FOXP1: variants seen among roughly 807,000 people sequenced by gnomAD.
FOXP1 encodes forkhead box protein P1.
FOXP1 carries 15 observed loss-of-function variants against 98.2 expected under a neutral mutation model. That is an observed-to-expected ratio of 0.15 (90% confidence interval 0.10 to 0.24). The LOEUF (loss-of-function observed/expected upper bound fraction) is 0.24. FOXP1 is among the 10% of genes least tolerant of loss of function. The probability of loss-of-function intolerance (pLI) is 1.00; values close to 1 mark genes in which losing one functional copy is unlikely to be tolerated. For missense variants in FOXP1, 633 were observed against 848.5 expected (o/e 0.75, Z 3.15); for synonymous variants, 371 against 314.5 (o/e 1.18, Z -1.90).
At chr3:71,290,866 A>T (rs998510789) in intron 5 of FOXP1, among the ~76,000 whole-genome samples, 1 of 152,160 alleles carries the variant, frequency 6.6e-6, no homozygotes, top group Admixed American at 6.5e-5. Flanking sequence ...AATCTGAAAG[A>T]TCCCAAATCA....
chr3:71,511,606 A>G (rs1164786298), intron 2 of FOXP1, among the ~76,000 whole-genome samples: 1 of 152,208 alleles, frequency 6.6e-6, no homozygotes, highest in Non-Finnish European at 1.5e-5. Flanking sequence ...CCATAAAAAT[A>G]TGCACTCAAT....
intron 4 of FOXP1, among the ~76,000 whole-genome samples, chr3:71,317,304 G>A (rs2075133642): frequency 6.6e-6 from 1 of 152,166 alleles, no homozygotes; most frequent in Non-Finnish European, 1.5e-5. Flanking sequence ...ACATTTTGCT[G>A]GCTGACATGA....
Position 71,112,325 on chromosome 3 carries a change from A to G in FOXP1, c.282+211T>C, listed in dbSNP as rs115531620. Among the ~76,000 whole-genome samples, 1,039 of 152,256 alleles carry G rather than the reference A, an allele frequency of 6.8e-3. 10 individuals carry two copies. Among genetic ancestry groups the G allele is most frequent in the African/African-American group, 0.024 (977 of 41,532 alleles). ...AACTCCTTATCCTTCTATTATATTC[A>G]CTAATCAGCAGATCTTACTCCTGAC... is the stretch of plus-strand genomic sequence containing the variant. On this transcript the variant is annotated intron_variant, in intron 7 of 20. Transcript: ENST00000649528.
intron 5 of FOXP1, among the ~76,000 whole-genome samples, chr3:71,266,863 G>C (rs955916603): frequency 6.6e-6 from 1 of 152,150 alleles, no homozygotes; most frequent in South Asian, 2.1e-4. Flanking sequence ...TACGATAATG[G>C]CCGCCAGCTC....
intron 5 of FOXP1, among the ~76,000 whole-genome samples, chr3:71,214,989 C>T (rs2064814608): frequency 6.6e-6 from 1 of 152,224 alleles, no homozygotes; most frequent in African/African-American, 2.4e-5. Context: ...CTGTGGACAG[C>T]CGCAAAGGCA....
intron 5 of FOXP1, among the ~76,000 whole-genome samples, chr3:71,283,275 C>T (rs968988523): frequency 1.3e-5 from 2 of 152,172 alleles, no homozygotes; most frequent in Admixed American, 1.3e-4. Context: ...CCCAGTGCCC[C>T]CAGTGTACTC....
intron 5 of FOXP1, among the ~76,000 whole-genome samples, chr3:71,234,945 T>C (rs2066650583): frequency 6.6e-6 from 1 of 152,220 alleles, no homozygotes; most frequent in Non-Finnish European, 1.5e-5. Flanking sequence ...TGCTGGGTAC[T>C]GATCTTTGCC....
intron 2 of FOXP1, among the ~76,000 whole-genome samples, chr3:71,565,048 G>A (rs1489130817): frequency 4.6e-5 from 7 of 152,102 alleles, no homozygotes; most frequent in Admixed American, 2.0e-4. Context: ...GCAGGGAGCC[G>A]AGATCGCACC....
Position 71,442,378 on chromosome 3 carries a change from CA to C in FOXP1, c.-168+51047del, listed in dbSNP as rs757897276. ...GAAATGGCTGAAGACCTTAAAAAGC[CA>C]AAAAAAAAAAAAAACCACATTCAGA... On this transcript the variant is annotated intron_variant, in intron 3 of 20. Transcript: ENST00000649528. Among the ~76,000 whole-genome samples, 838 of 99,008 alleles carry C rather than the reference CA, an allele frequency of 8.5e-3. 4 individuals are homozygous for C. Among genetic ancestry groups the C allele is most frequent in the African/African-American group, 0.019 (541 of 28,566 alleles). 65.0% of individuals were successfully genotyped at this position (99,008 alleles called of 152,430 possible).
In FOXP1 at chr3:70,958,663, A is replaced by G. The variant is rs371986200; in HGVS notation, c.*584T>C. The stretch of plus-strand genomic sequence containing the variant: ...AAAAAAAAAAAAAGCAATACATTAA[A>G]AAGTTTGGGATAATTATTTTTTAAC... On this transcript the variant is annotated 3_prime_UTR_variant, in exon 21 of 21. Coordinates refer to ENST00000649528, the MANE Select transcript of FOXP1 (RefSeq NM_001349338.3). The G allele has an allele frequency of 4.5e-6, 1 of 223,140 alleles. No individual in the cohort carries two copies. The allele number at this position is 223,140 out of a possible 1,614,324, so 13.8% of individuals were successfully genotyped here. A position where few individuals can be genotyped will look rare whatever the true frequency, so the allele number is the denominator to read the frequency against.
At chr3:71,092,988 T>C (rs1373043802) in intron 7 of FOXP1, among the ~76,000 whole-genome samples, 1 of 152,200 alleles carries the variant, frequency 6.6e-6, no homozygotes, top group Non-Finnish European at 1.5e-5. Context: ...AGCTCAGGCG[T>C]GGTGGCTCAC....
At chr3:71,093,001 C>G (rs2056052191) in intron 7 of FOXP1, among the ~76,000 whole-genome samples, 1 of 152,158 alleles carries the variant, frequency 6.6e-6, no homozygotes, top group South Asian at 2.1e-4. Context: ...TGGCTCACGC[C>G]TATAATCCCA....
chr3:71,040,589 G>C (rs1431322509), intron 11 of FOXP1, among the ~76,000 whole-genome samples: 1 of 152,066 alleles, frequency 6.6e-6, no homozygotes, highest in Non-Finnish European at 1.5e-5. Context: ...GGCATATTCT[G>C]GATCTCTAAA....
chr3:71,347,767 T>A (rs1318853204), intron 4 of FOXP1, among the ~76,000 whole-genome samples: 2 of 151,738 alleles, frequency 1.3e-5, no homozygotes, highest in Non-Finnish European at 2.9e-5. Context: ...TGCCTGTAAT[T>A]CCAGCTACTC....
intron 11 of FOXP1, among the ~76,000 whole-genome samples, chr3:71,032,613 A>G (rs913048020): frequency 6.6e-6 from 1 of 152,166 alleles, no homozygotes. Context: ...GCATTGCCCC[A>G]GTGAGCCAGT....
intron 5 of FOXP1, among the ~76,000 whole-genome samples, chr3:71,256,537 T>C (rs559869646): frequency 1.2e-4 from 19 of 152,040 alleles, no homozygotes; most frequent in African/African-American, 4.6e-4. Context: ...GTGCCCACTA[T>C]CACACCCAGC....
At chr3:71,217,197 C>T (rs964357186) in intron 5 of FOXP1, among the ~76,000 whole-genome samples, 8 of 152,078 alleles carry the variant, frequency 5.3e-5, no homozygotes, top group African/African-American at 1.4e-4. Context: ...TTCAGCCTCC[C>T]GAATAGCTGG....
chr3:71,234,075 T>A (rs1212679364), intron 5 of FOXP1, among the ~76,000 whole-genome samples: 1 of 152,106 alleles, frequency 6.6e-6, no homozygotes, highest in Non-Finnish European at 1.5e-5. Flanking sequence ...GTTTCTCGCA[T>A]GCCCATTTGG....
At chr3:71,260,587 G>C (rs1270115540) in intron 5 of FOXP1, among the ~76,000 whole-genome samples, 1 of 148,684 alleles carries the variant, frequency 6.7e-6, no homozygotes, top group East Asian at 2.0e-4. Context: ...CTGTCGCCCA[G>C]GCTGGAGTGC....
Sources: gnomAD v4.1 joint callset for allele counts (sites outside exome capture counted in the v4.1 genomes callset) on GRCh38, gnomAD v4.1.1 for gene constraint, MANE v1.5 for transcripts, NCBI Gene and HGNC (gene_info 2026-07-23, HGNC 2026-07-21) for gene names.